The following HLCS variants were observed in gnomAD, a reference collection of about 807,000 sequenced individuals.
HLCS encodes biotin--protein ligase.
Under a neutral mutation model 75.0 loss-of-function variants are expected in HLCS, and 53 were observed. The observed-to-expected ratio is 0.71, with a 90% CI of 0.57 to 0.89. The LOEUF is 0.89. HLCS is among the 40% of genes least tolerant of loss of function. The probability of loss-of-function intolerance (pLI) is 0.00; values close to 1 mark genes in which losing one functional copy is unlikely to be tolerated. For synonymous variants in HLCS, 431 were observed against 428.6 expected (o/e 1.01, Z -0.07); for missense variants, 966 against 1,074.0 (o/e 0.90, Z 1.41).
chr21:36,852,676 C>T (rs1268672936), intron 6 of HLCS, among the ~76,000 whole-genome samples: 2 of 152,178 alleles, frequency 1.3e-5, no homozygotes, highest in African/African-American at 4.8e-5. Context: ...GATCAGAGGA[C>T]CAGATCCTTG....
intron 6 of HLCS, among the ~76,000 whole-genome samples, chr21:36,824,125 C>T (rs1297766131): frequency 2.6e-5 from 4 of 151,992 alleles, no homozygotes; most frequent in Non-Finnish European, 5.9e-5. Context: ...ACTAAAAATA[C>T]AAAAAAAGTG....
intron 5 of HLCS, among the ~76,000 whole-genome samples, chr21:36,916,052 C>T (rs1442948797): frequency 6.6e-6 from 1 of 152,090 alleles, no homozygotes; most frequent in Non-Finnish European, 1.5e-5. Context: ...ACATATGGTC[C>T]TTGCTTTCAA....
intron 6 of HLCS, among the ~76,000 whole-genome samples, chr21:36,793,162 A>C (rs929797836): frequency 2.0e-5 from 3 of 151,920 alleles, no homozygotes; most frequent in African/African-American, 7.3e-5. Flanking sequence ...CTATTGCTCC[A>C]TTCACTTCTG....
chr21:36,787,376 A>C (rs1462713084), intron 6 of HLCS, among the ~76,000 whole-genome samples: 1 of 152,196 alleles, frequency 6.6e-6, no homozygotes, highest in Non-Finnish European at 1.5e-5. Flanking sequence ...GCCAGGAGGC[A>C]CAGAAGACCC....
At position 36,953,425 on chromosome 21, in the gene HLCS, A is replaced by T. The variant is rs969007416; in HGVS notation, c.330+8611T>A. Among the ~76,000 whole-genome samples the T allele has an allele frequency of 2.6e-5, 4 of 152,200 alleles. No individual in the cohort carries two copies. The East Asian group carries it at 5.8e-4, about 22-fold the overall frequency. On this transcript the variant is annotated intron_variant, in intron 2 of 10. Coordinates refer to ENST00000674895, the MANE Select transcript of HLCS (RefSeq NM_001352514.2). ...GGAGGGAAGACAGGAGAAGGAACCA[A>T]GGAAGAAGATGAGGAAAAAAATGGG...
chr21:36,775,667 T>C (rs55890062), intron 6 of HLCS, among the ~76,000 whole-genome samples: 152,085 of 152,086 alleles, frequency 1, 76,042 homozygotes, highest in Non-Finnish European at 1. Flanking sequence ...CTCACCCCCC[T>C]TTTCAGGCTG....
chr21:36,785,191 A>G (rs1280104434), intron 6 of HLCS, among the ~76,000 whole-genome samples: 1 of 151,932 alleles, frequency 6.6e-6, no homozygotes, highest in East Asian at 1.9e-4. Context: ...CTCTCTTCAG[A>G]GCCTTCCCTG....
chr21:36,757,105 T>C (rs900777507), intron 9 of HLCS: 1 of 220,388 alleles, frequency 4.5e-6, no homozygotes, highest in Non-Finnish European at 7.7e-6. Flanking sequence ...CCAAGCATTG[T>C]AGCTCTGCAC....
chr21:36,754,933 CAA>C (rs758583619), intron 10 of HLCS, among the ~76,000 whole-genome samples: 4 of 152,158 alleles, frequency 2.6e-5, no homozygotes, highest in African/African-American at 4.8e-5. Context: ...AGAATTTTCT[CAA>C]GTTTTTATTT....
chr21:36,954,666 C>G (rs895129532), intron 2 of HLCS, among the ~76,000 whole-genome samples: 3 of 152,058 alleles, frequency 2.0e-5, no homozygotes, highest in Non-Finnish European at 4.4e-5. Flanking sequence ...TACACAGTAC[C>G]TGATAATAAA....
chr21:36,855,603 C>T (rs114857143), intron 6 of HLCS, among the ~76,000 whole-genome samples: 6,819 of 146,562 alleles, frequency 0.047, 190 homozygotes, highest in Non-Finnish European at 0.056. Context: ...TGTTTGTAGA[C>T]AGGATCTCGC....
intron 3 of HLCS, among the ~76,000 whole-genome samples, chr21:36,937,875 G>A (rs1263559106): frequency 6.6e-6 from 1 of 152,194 alleles, no homozygotes; most frequent in African/African-American, 2.4e-5. Flanking sequence ...CTCAGGACTG[G>A]AACATAAGTT....
intron 1 of HLCS, among the ~76,000 whole-genome samples, chr21:36,973,248 TTTTTA>T: frequency 6.7e-6 from 1 of 149,700 alleles, no homozygotes; most frequent in African/African-American, 2.5e-5. Flanking sequence ...TTTTTTTTTT[TTTTTA>T]GCAGCTCTGG....
chr21:36,964,945 C>G (rs2068488418), intron 1 of HLCS, among the ~76,000 whole-genome samples: 1 of 152,128 alleles, frequency 6.6e-6, no homozygotes, highest in Admixed American at 6.5e-5. Flanking sequence ...AGGTTAATTC[C>G]CAACGCTCTA....
chr21:36,930,737 G>A (rs1168416711), intron 4 of HLCS, among the ~76,000 whole-genome samples: 3 of 152,126 alleles, frequency 2.0e-5, no homozygotes, highest in Non-Finnish European at 2.9e-5. Flanking sequence ...AAGGGACACA[G>A]TATAACCCAC....
intron 6 of HLCS, among the ~76,000 whole-genome samples, chr21:36,803,687 A>G (rs2061276959): frequency 6.6e-6 from 1 of 151,730 alleles, no homozygotes; most frequent in Admixed American, 6.6e-5. Context: ...AGAAAGAAAG[A>G]AAAAAAAACT....
intron 2 of HLCS, chr21:36,948,076 G>C (rs2067488849): frequency 2.8e-5 from 19 of 668,892 alleles, no homozygotes; most frequent in Non-Finnish European, 3.5e-5. Flanking sequence ...TGGATCACGA[G>C]GTCAGGAGTT....
At chr21:36,915,464 T>C (rs1351902901) in intron 5 of HLCS, among the ~76,000 whole-genome samples, 1 of 152,274 alleles carries the variant, frequency 6.6e-6, no homozygotes, top group Non-Finnish European at 1.5e-5. Flanking sequence ...ACCATGACAC[T>C]TGGGAACATT....
At chr21:36,985,262 C>T (rs2146748148) in intron 1 of HLCS, among the ~76,000 whole-genome samples, 1 of 152,388 alleles carries the variant, frequency 6.6e-6, no homozygotes, top group African/African-American at 2.4e-5. Flanking sequence ...ACACACATGT[C>T]ATTTAGCTGC....
Sources: allele counts gnomAD v4.1 joint callset (sites outside exome capture counted in the v4.1 genomes callset), GRCh38; gene constraint gnomAD v4.1.1; transcripts MANE v1.5; gene names NCBI Gene and HGNC (gene_info 2026-07-23, HGNC 2026-07-21).